Variants in SEMA3E observed in about 807,000 individuals in gnomAD.
SEMA3E encodes the protein semaphorin 3E, also known as semaphorin-3E.
In SEMA3E, 49 loss-of-function variants were observed where a neutral mutation model predicts 93.6. The ratio of observed to expected loss-of-function variants is 0.52; its 90% CI spans 0.42 to 0.66. The LOEUF (loss-of-function observed/expected upper bound fraction) is 0.66, where lower values mean the gene tolerates loss of function less well. SEMA3E is among the 30% of genes least tolerant of loss of function. SEMA3E has a pLI of 0.00. For missense variants in SEMA3E, 906 were observed against 964.8 expected, an observed-to-expected ratio of 0.94 and a Z score of 0.81; for synonymous variants, 363 against 330.7, an observed-to-expected ratio of 1.10 and a Z score of -1.06.
intron 1 of SEMA3E, among the ~76,000 whole-genome samples, chr7:83,527,035 C>G (rs763077600): frequency 1.3e-5 from 2 of 151,940 alleles, no homozygotes; most frequent in Non-Finnish European, 2.9e-5. Flanking sequence ...TAGTTCTTAA[C>G]CAATCACTAG....
chr7:83,578,457 G>A (rs1320955443), intron 1 of SEMA3E, among the ~76,000 whole-genome samples: 1 of 152,118 alleles, frequency 6.6e-6, no homozygotes, highest in Admixed American at 6.6e-5. Flanking sequence ...TCGGGAGGCT[G>A]AGGTAGGAGA....
At chr7:83,424,388 A>G (rs546061905) in intron 4 of SEMA3E, among the ~76,000 whole-genome samples, 4 of 152,202 alleles carry the variant, frequency 2.6e-5, no homozygotes, top group Non-Finnish European at 5.9e-5. Flanking sequence ...TTACTACAGT[A>G]TGATGTCATT....
At chr7:83,426,179 A>T (rs185477518) in intron 4 of SEMA3E, among the ~76,000 whole-genome samples, 2 of 152,224 alleles carry the variant, frequency 1.3e-5, no homozygotes, top group African/African-American at 4.8e-5. Context: ...ATTTCTCAAA[A>T]AACTTAAATC....
In SEMA3E at chr7:83,392,544, G is replaced by C. The variant is rs964404909; in HGVS notation, c.1667+11C>G. The C allele has an allele frequency of 4.3e-6, 7 of 1,612,754 alleles. No individual in the cohort carries two copies. Among genetic ancestry groups the C allele is most frequent in the Non-Finnish European group, 5.1e-6 (6 of 1,179,340 alleles). ...AGCAAGGGAAATAGTTAATCAGGTA[G>C]CACGTCTCACCTTTTTGCATGTGTG... On this transcript the variant is annotated intron_variant, in intron 14 of 16. Coordinates refer to ENST00000643230, the MANE Select transcript of SEMA3E (RefSeq NM_012431.3).
At chr7:83,589,988 C>G (rs1792722627) in intron 1 of SEMA3E, among the ~76,000 whole-genome samples, 1 of 152,140 alleles carries the variant, frequency 6.6e-6, no homozygotes, top group South Asian at 2.1e-4. Context: ...ATCAATATAT[C>G]ATAGCATACT....
At chr7:83,514,817 C>T (rs941734016) in intron 1 of SEMA3E, among the ~76,000 whole-genome samples, 5 of 151,984 alleles carry the variant, frequency 3.3e-5, no homozygotes, top group Admixed American at 2.0e-4. Flanking sequence ...TTGCTTTCAC[C>T]TGCATCCATC....
chr7:83,414,872 A>G (rs1387394491), intron 5 of SEMA3E, among the ~76,000 whole-genome samples: 1 of 152,098 alleles, frequency 6.6e-6, no homozygotes, highest in East Asian at 1.9e-4. Flanking sequence ...TGGAATTGGT[A>G]ATACAACTAT....
At chr7:83,640,753 T>G (rs1793992279) in intron 1 of SEMA3E, among the ~76,000 whole-genome samples, 1 of 151,890 alleles carries the variant, frequency 6.6e-6, no homozygotes, top group African/African-American at 2.4e-5. Context: ...TGGCTTAAGG[T>G]GAGGAAGAAA....
intron 1 of SEMA3E, among the ~76,000 whole-genome samples, chr7:83,593,260 G>GTCTCTCTCTCTCTCTCTCTC (rs1186592715): frequency 1.0e-5 from 1 of 96,336 alleles, no homozygotes; most frequent in African/African-American, 4.7e-5. Context: ...CTCTCTCTCT[G>GTCTCTCTCTCTCTCTCTCTC]TCTCTCTCTC....
chr7:83,478,297 T>C (rs1790065214), intron 2 of SEMA3E, among the ~76,000 whole-genome samples: 1 of 152,156 alleles, frequency 6.6e-6, no homozygotes, highest in South Asian at 2.1e-4. Flanking sequence ...ATAAAAACTA[T>C]AGATCAAAGT....
chr7:83,546,227 C>T, intron 1 of SEMA3E, among the ~76,000 whole-genome samples: 2 of 147,516 alleles, frequency 1.4e-5, no homozygotes, highest in African/African-American at 2.5e-5. Context: ...ATCTTATTAC[C>T]CTGAATAACT....
chr7:83,420,478 AAAAGAG>A (rs1788651177), intron 4 of SEMA3E, among the ~76,000 whole-genome samples: 1 of 152,158 alleles, frequency 6.6e-6, no homozygotes, highest in African/African-American at 2.4e-5. Context: ...AAGAAACCAA[AAAAGAG>A]CCTGAATAGC....
chr7:83,439,366 G>A (rs552426671), intron 4 of SEMA3E, among the ~76,000 whole-genome samples: 1 of 152,206 alleles, frequency 6.6e-6, no homozygotes, highest in Non-Finnish European at 1.5e-5. Flanking sequence ...ATTCAGCCCA[G>A]GCTGCAGCCA....
chr7:83,589,504 G>A (rs889754433), intron 1 of SEMA3E, among the ~76,000 whole-genome samples: 3 of 152,034 alleles, frequency 2.0e-5, no homozygotes, highest in Admixed American at 1.3e-4. Context: ...CCCCACTCAC[G>A]AGACATCTAG....
chr7:83,647,377 C>T (rs1363820707), intron 1 of SEMA3E, among the ~76,000 whole-genome samples: 1 of 152,048 alleles, frequency 6.6e-6, no homozygotes, highest in Non-Finnish European at 1.5e-5. Flanking sequence ...GTTCTTTCTA[C>T]AGTGGGGGAC....
intron 1 of SEMA3E, 102 bp from the exon 2 acceptor site, chr7:83,490,376 C>G (rs1194731808): frequency 3.0e-5 from 33 of 1,110,764 alleles, no homozygotes; most frequent in Non-Finnish European, 3.7e-5. Context: ...GGAACTGAGT[C>G]ATTAACATTC....
intron 14 of SEMA3E, among the ~76,000 whole-genome samples, chr7:83,388,467 T>C (rs909333858): frequency 2.6e-5 from 4 of 151,782 alleles, no homozygotes; most frequent in Admixed American, 2.6e-4. Flanking sequence ...TCAAGAACTC[T>C]GGCATACTTA....
At chr7:83,596,110 T>C (rs558652952) in intron 1 of SEMA3E, among the ~76,000 whole-genome samples, 21 of 152,244 alleles carry the variant, frequency 1.4e-4, no homozygotes, top group South Asian at 8.3e-4. Flanking sequence ...TACTTATTTA[T>C]ATTAGTATGA....
intron 1 of SEMA3E, among the ~76,000 whole-genome samples, chr7:83,588,274 C>T (rs139800652): frequency 1.3e-5 from 2 of 151,674 alleles, no homozygotes; most frequent in Admixed American, 6.6e-5. Flanking sequence ...CCCAGCTACT[C>T]GGAGGCTGAG....
Sources: gnomAD v4.1 joint callset for allele counts (sites outside exome capture counted in the v4.1 genomes callset) on GRCh38, gnomAD v4.1.1 for gene constraint, MANE v1.5 for transcripts, NCBI Gene and HGNC (gene_info 2026-07-23, HGNC 2026-07-21) for gene names.